Variants in SPIDR observed in about 807,000 individuals in gnomAD.
SPIDR encodes the protein scaffold protein involved in DNA repair, also known as DNA repair-scaffolding protein.
In SPIDR, 93 loss-of-function variants were observed where a neutral mutation model predicts 104.6. The observed-to-expected ratio is 0.89, with a 90% CI of 0.75 to 1.06. SPIDR has a LOEUF of 1.06. Among genes scored for constraint, SPIDR ranks in the 50% least tolerant of loss-of-function variants. SPIDR has a pLI of 0.00. For missense variants in SPIDR, 1,154 were observed against 1,111.2 expected (o/e 1.04, Z -0.55); for synonymous variants, 431 against 416.9 (o/e 1.03, Z -0.41).
intron 8 of SPIDR, among the ~76,000 whole-genome samples, chr8:47,500,262 G>C (rs1586744577): frequency 6.6e-6 from 1 of 152,108 alleles, no homozygotes; most frequent in African/African-American, 2.4e-5. Flanking sequence ...CCCACCAACA[G>C]TGTAAAAGTG....
chr8:47,506,557 T>C (rs2081512114), intron 8 of SPIDR, among the ~76,000 whole-genome samples: 1 of 151,738 alleles, frequency 6.6e-6, no homozygotes, highest in African/African-American at 2.4e-5. Context: ...ACTGGGGAAA[T>C]GGAGAAAGGA....
intron 8 of SPIDR, among the ~76,000 whole-genome samples, chr8:47,509,048 G>A (rs536414540): frequency 5.1e-4 from 78 of 152,268 alleles, no homozygotes; most frequent in Non-Finnish European, 9.0e-4. Context: ...AGGCTGTCGT[G>A]CTGGATCCCT....
chr8:47,272,203 G>T (rs1037929442), intron 1 of SPIDR, among the ~76,000 whole-genome samples: 1 of 152,154 alleles, frequency 6.6e-6, no homozygotes, highest in Non-Finnish European at 1.5e-5. Flanking sequence ...GTGGCCTCGG[G>T]TGATACACCT....
intron 8 of SPIDR, chr8:47,510,981 G>A (rs2082232017): frequency 1.5e-6 from 1 of 665,510 alleles, no homozygotes; most frequent in Non-Finnish European, 2.8e-6. Context: ...ATGGGGCATG[G>A]CCACTGGCTG....
chr8:47,424,479 A>T (rs1257089608), intron 7 of SPIDR, among the ~76,000 whole-genome samples: 1 of 152,040 alleles, frequency 6.6e-6, no homozygotes, highest in African/African-American at 2.4e-5. Flanking sequence ...TGTTTAAAAA[A>T]AAATTTCTTT....
chr8:47,713,000 A>G, intron 15 of SPIDR, 128 bp downstream of exon 15: 1 of 1,480,156 alleles, frequency 6.8e-7, no homozygotes, highest in Non-Finnish European at 8.9e-7. Flanking sequence ...CCCATCACAG[A>G]CATGGCCCAT....
intron 11 of SPIDR, among the ~76,000 whole-genome samples, chr8:47,700,010 A>G (rs1257107758): frequency 6.6e-6 from 1 of 152,218 alleles, no homozygotes; most frequent in Non-Finnish European, 1.5e-5. Context: ...TTGGCTTAAT[A>G]TATATAGATG....
intron 8 of SPIDR, among the ~76,000 whole-genome samples, chr8:47,558,521 T>A (rs2154400418): frequency 6.6e-6 from 1 of 152,286 alleles, no homozygotes; most frequent in Admixed American, 6.5e-5. Context: ...AGAGGATAGG[T>A]TCTGCAGTGT....
chr8:47,439,430 C>G (rs1023788225), intron 7 of SPIDR, among the ~76,000 whole-genome samples: 5 of 152,176 alleles, frequency 3.3e-5, no homozygotes, highest in African/African-American at 9.7e-5. Context: ...CCATCTGATT[C>G]TTAGACGTCT....
intron 10 of SPIDR, among the ~76,000 whole-genome samples, chr8:47,671,629 A>C (rs936107177): frequency 8.2e-6 from 1 of 121,308 alleles, no homozygotes; most frequent in African/African-American, 3.7e-5. Context: ...AATACAAATA[A>C]AAAAATTAAA....
At chr8:47,628,283 C>T (rs1260621182) in intron 10 of SPIDR, among the ~76,000 whole-genome samples, 1 of 152,156 alleles carries the variant, frequency 6.6e-6, no homozygotes, top group African/African-American at 2.4e-5. Flanking sequence ...CCAGTAACAG[C>T]AAGGAATCAT....
At chr8:47,701,573 A>G (rs956513068) in intron 12 of SPIDR, 148 bp from the exon 13 acceptor site, 12 of 725,288 alleles carry the variant, frequency 1.7e-5, no homozygotes, top group African/African-American at 1.8e-5. Flanking sequence ...GAAGTAAACA[A>G]TGCAATCCAT....
At chr8:47,564,637 A>G (rs1444622155) in intron 8 of SPIDR, among the ~76,000 whole-genome samples, 1 of 151,502 alleles carries the variant, frequency 6.6e-6, no homozygotes, top group East Asian at 2.0e-4. Flanking sequence ...CAGAGATCAC[A>G]CCACTGCACT....
chr8:47,713,615 C>CTG lies in SPIDR; in HGVS notation c.2317_2318dup (p.Asn774SerfsTer75), dbSNP rs1563638336. On this transcript the variant is annotated frameshift_variant, in exon 16 of 20. Transcript: ENST00000297423. LOFTEE classifies it high-confidence loss of function. ...CTCGACAGCCTGGACTCTGCAACACCTGTCAACTCCATCTGCAGTGTTCAA... is the reference window on the plus strand; with the variant it reads ...CTCGACAGCCTGGACTCTGCAACACCTGTGTCAACTCCATCTGCAGTGTTCAA... 6.2e-7 allele frequency: 1 copy of CTG among 1,614,198 alleles called. No homozygotes were observed. The highest frequency in any genetic ancestry group is 1.3e-5 in the African/African-American group (1 of 75,050).
chr8:47,391,315 A>T (rs1554651836), intron 5 of SPIDR, among the ~76,000 whole-genome samples: 1 of 151,972 alleles, frequency 6.6e-6, no homozygotes, highest in African/African-American at 2.4e-5. Context: ...AGGTGGGAGG[A>T]TGGCTTGAGC....
intron 8 of SPIDR, among the ~76,000 whole-genome samples, chr8:47,483,019 C>T (rs1244655838): frequency 1.3e-5 from 2 of 152,226 alleles, no homozygotes; most frequent in Non-Finnish European, 2.9e-5. Context: ...CTCTGCCCCT[C>T]CACAGTGGGT....
intron 6 of SPIDR, among the ~76,000 whole-genome samples, chr8:47,401,835 A>G (rs1343986464): frequency 6.6e-6 from 1 of 152,220 alleles, no homozygotes; most frequent in Non-Finnish European, 1.5e-5. Context: ...TTCATAAAGC[A>G]AGTCCTTAGA....
intron 5 of SPIDR, among the ~76,000 whole-genome samples, chr8:47,321,200 G>A (rs192860114): frequency 1.8e-3 from 271 of 152,228 alleles, no homozygotes; most frequent in Non-Finnish European, 2.9e-3. Context: ...AAACCCCATC[G>A]TCTCAGCCCA....
chr8:47,299,318 T>A (rs1165804959), intron 5 of SPIDR, among the ~76,000 whole-genome samples: 2 of 152,230 alleles, frequency 1.3e-5, no homozygotes, highest in African/African-American at 4.8e-5. Flanking sequence ...GAGACTTTGC[T>A]GAAGTTGCCT....
Sources: gnomAD v4.1 joint callset for allele counts (sites outside exome capture counted in the v4.1 genomes callset) on GRCh38, gnomAD v4.1.1 for gene constraint, MANE v1.5 for transcripts, NCBI Gene and HGNC (gene_info 2026-07-23, HGNC 2026-07-21) for gene names.